SOX6: variants seen among roughly 807,000 people sequenced by gnomAD.
SOX6 encodes the protein SRY-box transcription factor 6, also known as transcription factor SOX-6.
A neutral mutation model predicts 97.8 loss-of-function variants in SOX6; 11 were observed. That is an observed-to-expected ratio of 0.11 (90% CI 0.07 to 0.19). SOX6 has a LOEUF of 0.19. SOX6 is among the 10% of genes least tolerant of loss of function. The pLI is 1.00. For synonymous variants in SOX6, 360 were observed against 371.4 expected, an observed-to-expected ratio of 0.97 and a Z score of 0.35; for missense variants, 810 against 1,039.5, an observed-to-expected ratio of 0.78 and a Z score of 3.04.
At chr11:16,293,899 A>G (rs573603065) in intron 3 of SOX6, among the ~76,000 whole-genome samples, 1 of 151,948 alleles carries the variant, frequency 6.6e-6, no homozygotes, top group South Asian at 2.1e-4. Context: ...GCTGTCAAAA[A>G]CCCAGAGCAG....
chr11:16,701,893 C>CAA (rs760384949), intron 3 of SOX6, among the ~76,000 whole-genome samples: 4 of 135,824 alleles, frequency 2.9e-5, no homozygotes. Flanking sequence ...GACTCCGTCT[C>CAA]AAAAAAAAAA....
Position 15,986,206 on chromosome 11 carries a change from C to G in SOX6, c.2181G>C (p.Val727=), listed in dbSNP as rs117036791. The part of the protein sequence containing the change: ...RRQEMRQFFT[V]GQQPQIPITT... Reference sequence around the variant, plus strand: ...TGGCTAAATTCAGGAATACTTACCCCACAGTAAAGAACTGCCTCATCTCCT... The same window carrying G: ...TGGCTAAATTCAGGAATACTTACCCGACAGTAAAGAACTGCCTCATCTCCT... The change falls in exon 15 of 16, where the codon GTG becomes GTC. Residue 727 remains valine (V), a splice_region_variant and synonymous_variant. Coordinates refer to ENST00000683767, the MANE Select transcript of SOX6 (RefSeq NM_001367873.1). 1 of 1,613,990 alleles carries G rather than the reference C, an allele frequency of 6.2e-7. No individual in the cohort carries two copies. Among genetic ancestry groups the G allele is most frequent in the Non-Finnish European group, 8.5e-7 (1 of 1,179,906 alleles).
chr11:16,694,121 AAC>A (rs1468510674), intron 3 of SOX6, among the ~76,000 whole-genome samples: 1 of 152,206 alleles, frequency 6.6e-6, no homozygotes, highest in Non-Finnish European at 1.5e-5. Context: ...ATCTATCCCT[AAC>A]AGTCTCTTTC....
rs117568380 is a variant in SOX6, at chr11:16,035,473, T to C, written c.1623+11041A>G. ...TAAAACACTGACATTTTAGTGATTG[T>C]TATTATTATGTTCTTAAAACTGCCA... On this transcript the variant is annotated intron_variant, in intron 12 of 15. Transcript: ENST00000683767. Among the ~76,000 whole-genome samples, 737 of 152,326 alleles carry C rather than the reference T, an allele frequency of 4.8e-3. 3 individuals carry two copies. The highest frequency in any genetic ancestry group is 8.8e-3 in the Non-Finnish European group (598 of 68,014).
At chr11:16,513,408 G>A (rs1165332586) in intron 4 of SOX6, among the ~76,000 whole-genome samples, 3 of 152,266 alleles carry the variant, frequency 2.0e-5, no homozygotes, top group African/African-American at 4.8e-5. Flanking sequence ...CAAGGCGGGC[G>A]GATCACTTGA....
chr11:16,678,464 T>C (rs1037127152), intron 3 of SOX6, among the ~76,000 whole-genome samples: 1 of 152,226 alleles, frequency 6.6e-6, no homozygotes, highest in Non-Finnish European at 1.5e-5. Context: ...CATAAAGAAA[T>C]ATCTGAAACC....
chr11:16,003,354 G>A (rs982465657), intron 13 of SOX6, among the ~76,000 whole-genome samples: 3 of 151,780 alleles, frequency 2.0e-5, no homozygotes, highest in Admixed American at 6.6e-5. Context: ...TTGAAGACTC[G>A]TCTCAGGTAT....
At chr11:16,531,167 T>C (rs1026106985) in intron 4 of SOX6, among the ~76,000 whole-genome samples, 1 of 150,566 alleles carries the variant, frequency 6.6e-6, no homozygotes, top group Non-Finnish European at 1.5e-5. Flanking sequence ...TAGATATATA[T>C]AGAGAGAAAG....
chr11:16,007,714 G>A (rs185963261), intron 13 of SOX6, among the ~76,000 whole-genome samples: 16 of 152,216 alleles, frequency 1.1e-4, no homozygotes, highest in Non-Finnish European at 2.1e-4. Flanking sequence ...ACTGCCAGGA[G>A]AGAAGAATCT....
chr11:16,318,494 T>C lies in SOX6; in HGVS notation c.397A>G (p.Thr133Ala), dbSNP rs1263269835. 1.2e-6 allele frequency: 2 copies of C among 1,613,562 alleles called. No homozygotes were observed. The highest frequency in any genetic ancestry group is 1.7e-6 in the Non-Finnish European group (2 of 1,179,736). The change falls in exon 3 of 16, where the codon ACA becomes GCA. Residue 133 changes from threonine to alanine, a missense_variant. Around this residue, in one of 9 missense-constraint regions of SOX6, gnomAD observed 46 missense variants for 84.1 expected, o/e 0.55. Transcript: ENST00000683767. ...RKGSLADVVD[T>A]LKQKKLEEMT... Reference sequence around the variant, plus strand: ...TCCTCAAGCTTCTTCTGTTTCAGTGTGTCCACCACATCGGCAAGACTCCCT... The same window carrying C: ...TCCTCAAGCTTCTTCTGTTTCAGTGCGTCCACCACATCGGCAAGACTCCCT...
Position 16,377,546 on chromosome 11 carries a change from T to C in SOX6, c.-4-36294A>G, listed in dbSNP as rs903003144. Among the ~76,000 whole-genome samples the C allele has an allele frequency of 3.3e-5, 5 of 152,080 alleles. No individual in the cohort carries two copies. The South Asian group carries it at 6.2e-4, about 19-fold the overall frequency. ...AGAAGAGGGGAACAAGTGATTTCAC[T>C]GTACAAAAAAAGAAAAACAATTTAA... is the stretch of plus-strand genomic sequence containing the variant. On this transcript the variant is annotated intron_variant, in intron 1 of 15. Transcript: ENST00000396356.
chr11:16,496,714 C>T (rs1860604310), intron 4 of SOX6, among the ~76,000 whole-genome samples: 1 of 152,212 alleles, frequency 6.6e-6, no homozygotes, highest in African/African-American at 2.4e-5. Flanking sequence ...CAGAGCCTCT[C>T]TCATTGCTAG....
At chr11:16,707,355 C>T (rs1848145663) in intron 3 of SOX6, among the ~76,000 whole-genome samples, 1 of 149,930 alleles carries the variant, frequency 6.7e-6, no homozygotes. Context: ...AAAAGCAGAA[C>T]CCATTAGTTT....
At chr11:16,493,734 C>T (rs1436999083) in intron 4 of SOX6, among the ~76,000 whole-genome samples, 1 of 152,090 alleles carries the variant, frequency 6.6e-6, no homozygotes. Flanking sequence ...AAAATACAAA[C>T]TAAAACAACG....
intron 14 of SOX6, among the ~76,000 whole-genome samples, chr11:15,988,375 C>T (rs540059430): frequency 6.6e-6 from 1 of 152,316 alleles, no homozygotes; most frequent in East Asian, 1.9e-4. Context: ...CAAACTGGGC[C>T]TCTCCCCTGC....
chr11:16,096,246 A>C, intron 8 of SOX6, 128 bp from the exon 9 acceptor site: 1 of 1,168,128 alleles, frequency 8.6e-7, no homozygotes, highest in Non-Finnish European at 1.2e-6. Flanking sequence ...AAAGTTTAAG[A>C]CTCAGTTTCT....
At position 15,971,755 on chromosome 11, in the gene SOX6, G is replaced by A. The variant is rs191595530; in HGVS notation, c.*1054C>T. 5.9e-5 allele frequency: 9 copies of A among 152,596 alleles called. No individual in the cohort carries two copies. The highest frequency in any genetic ancestry group is 4.8e-5 in the African/African-American group (2 of 41,514). The allele number at this position is 152,596 out of a possible 1,614,324, so 9.5% of individuals were successfully genotyped here. On this transcript the variant is annotated 3_prime_UTR_variant, in exon 16 of 16. Transcript: ENST00000683767. ...CACAGGAGAAGGAGGTGAAAAGGAC[G>A]GAAAAGTTCTTCGGGGAAGGAAGGT...
intron 2 of SOX6, among the ~76,000 whole-genome samples, chr11:16,721,152 G>A (rs1273176360): frequency 1.3e-5 from 2 of 152,170 alleles, no homozygotes; most frequent in African/African-American, 2.4e-5. Flanking sequence ...AGGCAAGGAC[G>A]CTTGATTAAA....
At chr11:16,035,953 T>G (rs1203484217) in intron 12 of SOX6, among the ~76,000 whole-genome samples, 2 of 152,160 alleles carry the variant, frequency 1.3e-5, no homozygotes, top group Non-Finnish European at 2.9e-5. Context: ...GACAGAGGAC[T>G]GGTCCCAGTC....
Sources: gnomAD v4.1 joint callset for allele counts (sites outside exome capture counted in the v4.1 genomes callset) on GRCh38, gnomAD v4.1.1 for gene constraint, gnomAD v4.1.1 regional missense constraint, MANE v1.5 for transcripts, NCBI Gene and HGNC (gene_info 2026-07-23, HGNC 2026-07-21) for gene names.